Variants in DENND1A observed in about 807,000 individuals in gnomAD.
The protein encoded by DENND1A is DENN domain-containing protein 1A.
A neutral mutation model predicts 113.7 loss-of-function variants in DENND1A; 51 were observed. That is an observed-to-expected ratio of 0.45 (90% CI 0.36 to 0.57). The LOEUF (loss-of-function observed/expected upper bound fraction) is 0.57. Among genes scored for constraint, DENND1A ranks in the 20% least tolerant of loss-of-function variants. DENND1A has a pLI of 0.00. For synonymous variants in DENND1A, 565 were observed against 570.8 expected (o/e 0.99, Z 0.14); for missense variants, 1,258 against 1,395.9 (o/e 0.90, Z 1.57).
At chr9:123,514,285 CA>C (rs1239733553) in intron 13 of DENND1A, among the ~76,000 whole-genome samples, 2 of 151,920 alleles carry the variant, frequency 1.3e-5, no homozygotes, top group East Asian at 3.9e-4. Context: ...GGGCCTGAGC[CA>C]GGGGGCAGCC....
chr9:123,489,716 G>A (rs1399848696), intron 13 of DENND1A, among the ~76,000 whole-genome samples: 2 of 152,224 alleles, frequency 1.3e-5, no homozygotes, highest in African/African-American at 4.8e-5. Context: ...TGGGGCTTGG[G>A]TTCAGTGGGA....
chr9:123,559,130 G>A (rs1382648015), intron 12 of DENND1A, among the ~76,000 whole-genome samples: 2 of 152,204 alleles, frequency 1.3e-5, no homozygotes, highest in African/African-American at 2.4e-5. Flanking sequence ...TAAGTACGGG[G>A]AGTGGTGTGC....
At chr9:123,819,125 G>A (rs941699705) in intron 2 of DENND1A, among the ~76,000 whole-genome samples, 2 of 152,142 alleles carry the variant, frequency 1.3e-5, no homozygotes, top group African/African-American at 4.8e-5. Context: ...TAAAGTTTTG[G>A]AACACTGCAG....
intron 9 of DENND1A, among the ~76,000 whole-genome samples, chr9:123,632,358 T>A (rs6478627): frequency 0.35 from 53,799 of 151,922 alleles, 9,866 homozygotes; most frequent in African/African-American, 0.42. Context: ...GGTACCCATA[T>A]AAAGGAGGGT....
intron 5 of DENND1A, 149 bp from the exon 6 acceptor site, chr9:123,676,938 A>G: frequency 1.3e-6 from 1 of 741,988 alleles, no homozygotes; most frequent in Non-Finnish European, 2.3e-6. Context: ...AACTGGCGAA[A>G]TGCTAATTAT....
rs559200662 is a variant in DENND1A at position 123,621,743 on chromosome 9, G to A, written c.719+8633C>T. ...ATTTGAGTTCTGTCCCTGCCATCAAGAATATCAACAATTCCACTTAATCTA... is the reference window on the plus strand; with the variant it reads ...ATTTGAGTTCTGTCCCTGCCATCAAAAATATCAACAATTCCACTTAATCTA... On this transcript the variant is annotated intron_variant, in intron 10 of 23. Transcript: ENST00000394215. 3.3e-5 allele frequency among the ~76,000 whole-genome samples: 5 copies of A among 152,272 alleles called. No homozygotes were observed. In the East Asian group the frequency reaches 9.6e-4, roughly 29 times the overall value.
At chr9:123,431,763 C>G (rs935770505) in intron 19 of DENND1A, among the ~76,000 whole-genome samples, 2 of 152,130 alleles carry the variant, frequency 1.3e-5, no homozygotes, top group African/African-American at 2.4e-5. Flanking sequence ...CAGTGTGGAG[C>G]TTGGTGGGCA....
chr9:123,835,961 G>GT (rs1840994693), intron 2 of DENND1A, among the ~76,000 whole-genome samples: 1 of 152,184 alleles, frequency 6.6e-6, no homozygotes, highest in African/African-American at 2.4e-5. Flanking sequence ...AAATGAGGAA[G>GT]AAGGGCTATC....
intron 11 of DENND1A, among the ~76,000 whole-genome samples, chr9:123,594,982 G>A (rs2059619129): frequency 6.6e-6 from 1 of 152,174 alleles, no homozygotes. Flanking sequence ...AGGGAAGAGT[G>A]ACATTTTCCT....
At chr9:123,416,781 T>C (rs1300853085) in intron 19 of DENND1A, among the ~76,000 whole-genome samples, 1 of 152,242 alleles carries the variant, frequency 6.6e-6, no homozygotes, top group Non-Finnish European at 1.5e-5. Flanking sequence ...GGGAAGCAGA[T>C]GGACTGTCAC....
intron 21 of DENND1A, among the ~76,000 whole-genome samples, chr9:123,399,369 T>A (rs2043308666): frequency 1.3e-5 from 2 of 152,116 alleles, no homozygotes; most frequent in Non-Finnish European, 2.9e-5. Context: ...GACAATCTTT[T>A]TTATTTTATT....
At chr9:123,710,720 T>C (rs1166245146) in intron 5 of DENND1A, among the ~76,000 whole-genome samples, 8 of 151,284 alleles carry the variant, frequency 5.3e-5, no homozygotes, top group African/African-American at 2.0e-4. Flanking sequence ...TTGCCCAGGC[T>C]GGAGTGCAGT....
chr9:123,712,687 G>A (rs2066711696), intron 5 of DENND1A, among the ~76,000 whole-genome samples: 1 of 152,198 alleles, frequency 6.6e-6, no homozygotes, highest in Admixed American at 6.5e-5. Context: ...CAGTGGAAAT[G>A]TTGGCTTCTT....
intron 12 of DENND1A, among the ~76,000 whole-genome samples, chr9:123,564,166 A>G (rs1327519491): frequency 6.6e-6 from 1 of 152,172 alleles, no homozygotes; most frequent in African/African-American, 2.4e-5. Context: ...CCCTTTATAT[A>G]CCAGCAGTTT....
At chr9:123,407,588 G>A (rs994002567) in intron 20 of DENND1A, among the ~76,000 whole-genome samples, 4 of 152,120 alleles carry the variant, frequency 2.6e-5, no homozygotes, top group South Asian at 2.1e-4. Context: ...CCCATGTTTC[G>A]GGGGTGCTTA....
At chr9:123,520,050 C>T (rs1334638994) in intron 13 of DENND1A, among the ~76,000 whole-genome samples, 1 of 145,658 alleles carries the variant, frequency 6.9e-6, no homozygotes, top group Non-Finnish European at 1.5e-5. Context: ...GTCCCAATTA[C>T]ATGGGAGGCA....
intron 13 of DENND1A, among the ~76,000 whole-genome samples, chr9:123,500,163 A>AT (rs2052346832): frequency 2.0e-5 from 3 of 152,136 alleles, no homozygotes; most frequent in African/African-American, 7.2e-5. Flanking sequence ...AAAGTCACTT[A>AT]TTTTTTCCCA....
chr9:123,420,474 C>T (rs1166936504), intron 19 of DENND1A, among the ~76,000 whole-genome samples: 2 of 152,186 alleles, frequency 1.3e-5, no homozygotes, highest in East Asian at 1.9e-4. Context: ...AAAGCCGCAG[C>T]ACCTGCCGCG....
intron 13 of DENND1A, among the ~76,000 whole-genome samples, chr9:123,506,511 G>C (rs1377396479): frequency 6.7e-6 from 1 of 149,486 alleles, no homozygotes; most frequent in African/African-American, 2.5e-5. Flanking sequence ...GAACCAGGGA[G>C]GCGGAGGTTG....
Sources: gnomAD v4.1 joint callset for allele counts (sites outside exome capture counted in the v4.1 genomes callset) on GRCh38, gnomAD v4.1.1 for gene constraint, MANE v1.5 for transcripts, NCBI Gene and HGNC (gene_info 2026-07-23, HGNC 2026-07-21) for gene names.